The following TENM4 variants were observed in gnomAD, a reference collection of about 807,000 sequenced individuals.
TENM4 encodes teneurin transmembrane protein 4.
A neutral mutation model predicts 243.3 loss-of-function variants in TENM4; 82 were observed. The observed-to-expected ratio is 0.34, with a 90% confidence interval of 0.28 to 0.40. The LOEUF is 0.40. TENM4 is among the 10% of genes least tolerant of loss of function. TENM4 has a pLI of 1.00. For missense variants in TENM4, 3,138 were observed against 3,673.3 expected, an observed-to-expected ratio of 0.85 and a Z score of 3.77; for synonymous variants, 1,412 against 1,456.3, an observed-to-expected ratio of 0.97 and a Z score of 0.69.
intron 6 of TENM4, among the ~76,000 whole-genome samples, chr11:79,054,502 CT>C (rs35951915): frequency 4.2e-3 from 597 of 143,700 alleles, no homozygotes; most frequent in East Asian, 9.5e-3. Context: ...CAGGTACCAT[CT>C]TTTTTTTTTT....
At chr11:78,988,899 A>T (rs1478506467) in intron 6 of TENM4, among the ~76,000 whole-genome samples, 3 of 151,708 alleles carry the variant, frequency 2.0e-5, no homozygotes, top group Non-Finnish European at 4.4e-5. Context: ...CTGGTCTCAC[A>T]CTCCTGAGCT....
At chr11:79,102,330 A>T (rs1444836521) in intron 4 of TENM4, among the ~76,000 whole-genome samples, 1 of 152,242 alleles carries the variant, frequency 6.6e-6, no homozygotes, top group Non-Finnish European at 1.5e-5. Context: ...CACAGTGCTC[A>T]TCATGAAATT....
intron 2 of TENM4, among the ~76,000 whole-genome samples, chr11:79,235,105 A>G (rs928714413): frequency 9.4e-4 from 143 of 151,968 alleles, no homozygotes; most frequent in African/African-American, 3.4e-3. Flanking sequence ...TGAGGTCAGG[A>G]GATAGAGACC....
chr11:79,068,613 A>C (rs1055302100), intron 5 of TENM4, among the ~76,000 whole-genome samples: 3 of 152,214 alleles, frequency 2.0e-5, no homozygotes, highest in Non-Finnish European at 2.9e-5. Flanking sequence ...TACATAGCAC[A>C]GTGCTCAGCT....
chr11:78,904,284 T>C (rs12275347), intron 6 of TENM4, among the ~76,000 whole-genome samples: 4,039 of 147,538 alleles, frequency 0.027, 153 homozygotes, highest in African/African-American at 0.083. Flanking sequence ...GGCGTGAACC[T>C]GGGAGGCGGA....
intron 18 of TENM4, among the ~76,000 whole-genome samples, chr11:78,769,506 G>C (rs1856606263): frequency 6.6e-6 from 1 of 152,176 alleles, no homozygotes; most frequent in Admixed American, 6.5e-5. Flanking sequence ...TTGAGGTCCT[G>C]GCATATAGGG....
chr11:79,038,250 CCT>C (rs1341997716), intron 6 of TENM4, among the ~76,000 whole-genome samples: 1 of 152,174 alleles, frequency 6.6e-6, no homozygotes, highest in Non-Finnish European at 1.5e-5. Flanking sequence ...ATCTCCAGGA[CCT>C]CTTATTCAGC....
In TENM4 at chr11:79,118,350, G is replaced by A. The variant is rs1214162697; in HGVS notation, c.-66+30360C>T. Among the ~76,000 whole-genome samples the A allele has an allele frequency of 3.3e-5, 5 of 152,114 alleles. No individual in the cohort carries two copies. The East Asian group carries it at 9.6e-4, about 29-fold the overall frequency. On this transcript the variant is annotated intron_variant, in intron 4 of 33. Transcript: ENST00000278550. ...TTTATGTCATTCTCAGAATTACTCT[G>A]GAAAGAAGATATTACCTAATCCCCT...
At chr11:78,826,798 G>C (rs1857862257) in intron 12 of TENM4, among the ~76,000 whole-genome samples, 1 of 152,108 alleles carries the variant, frequency 6.6e-6, no homozygotes, top group Non-Finnish European at 1.5e-5. Context: ...TCGATACTTA[G>C]AACTTGTTAA....
intron 1 of TENM4, among the ~76,000 whole-genome samples, chr11:79,434,723 A>G (rs753689564): frequency 6.6e-6 from 1 of 152,220 alleles, no homozygotes; most frequent in Non-Finnish European, 1.5e-5. Context: ...TGCAAAATAA[A>G]TAGCCATATT....
rs923514074 is a variant in TENM4, at chr11:78,806,508, T to C, written c.1979-1016A>G. 3.9e-5 allele frequency among the ~76,000 whole-genome samples: 6 copies of C among 152,160 alleles called. No individual in the cohort carries two copies. In the South Asian group the frequency reaches 6.2e-4, roughly 16 times the overall value. ...CAGAAAGAGGGAAGAGAGAGTAACATTGTGGGTTATCTGCTCTGTGCTTAC... is the reference window on the plus strand; with the variant it reads ...CAGAAAGAGGGAAGAGAGAGTAACACTGTGGGTTATCTGCTCTGTGCTTAC... On this transcript the variant is annotated intron_variant, in intron 14 of 33. Coordinates refer to ENST00000278550, the MANE Select transcript of TENM4 (RefSeq NM_001098816.3).
chr11:78,730,709 T>G (rs1488733351), intron 21 of TENM4, among the ~76,000 whole-genome samples: 4 of 152,216 alleles, frequency 2.6e-5, no homozygotes, highest in Non-Finnish European at 5.9e-5. Context: ...GGCTATTGTA[T>G]CTATTCAAGG....
At chr11:78,661,165 T>C (rs1043310012) in intron 33 of TENM4, among the ~76,000 whole-genome samples, 5 of 152,332 alleles carry the variant, frequency 3.3e-5, no homozygotes, top group Admixed American at 1.3e-4. Flanking sequence ...GTGCTTTTGT[T>C]CTGGATAGTG....
At chr11:78,672,789 G>C (rs1465830435) in intron 30 of TENM4, among the ~76,000 whole-genome samples, 1 of 152,122 alleles carries the variant, frequency 6.6e-6, no homozygotes, top group East Asian at 1.9e-4. Flanking sequence ...ATTTACCCTG[G>C]ATCTCGTGGC....
intron 3 of TENM4, among the ~76,000 whole-genome samples, chr11:79,175,038 A>T (rs77635646): frequency 0.03 from 4,608 of 152,148 alleles, 244 homozygotes; most frequent in African/African-American, 0.11. Flanking sequence ...TCTTTATTTG[A>T]CTTCAAATAG....
intron 1 of TENM4, among the ~76,000 whole-genome samples, chr11:79,340,474 C>T (rs1857223807): frequency 6.6e-6 from 1 of 152,152 alleles, no homozygotes; most frequent in Non-Finnish European, 1.5e-5. Flanking sequence ...TTGAGGCTGG[C>T]TGGACTGGGC....
intron 2 of TENM4, among the ~76,000 whole-genome samples, chr11:79,259,082 C>T (rs956943306): frequency 2.6e-5 from 4 of 152,156 alleles, no homozygotes; most frequent in East Asian, 1.9e-4. Context: ...TGAATTAGCT[C>T]GTATTTCTCA....
chr11:79,236,676 A>T (rs1283598241), intron 2 of TENM4, among the ~76,000 whole-genome samples: 2 of 152,074 alleles, frequency 1.3e-5, no homozygotes, highest in Non-Finnish European at 2.9e-5. Context: ...GGCTTTCTCA[A>T]CACCCACTTC....
intron 20 of TENM4, among the ~76,000 whole-genome samples, chr11:78,737,740 A>G (rs574975778): frequency 3.3e-5 from 5 of 152,324 alleles, no homozygotes; most frequent in African/African-American, 1.2e-4. Flanking sequence ...TAATTTTAAC[A>G]AATAGCTAAT....
Sources: allele counts gnomAD v4.1 joint callset (sites outside exome capture counted in the v4.1 genomes callset), GRCh38; gene constraint gnomAD v4.1.1; transcripts MANE v1.5; gene names NCBI Gene and HGNC (gene_info 2026-07-23, HGNC 2026-07-21).